The following SYT1 variants were observed in gnomAD, a reference collection of about 807,000 sequenced individuals.
The protein encoded by SYT1 is synaptotagmin 1.
In SYT1, 8 loss-of-function variants were observed where a neutral mutation model predicts 44.8. That is an observed-to-expected ratio of 0.18 (90% CI 0.10 to 0.32). The LOEUF (loss-of-function observed/expected upper bound fraction) is 0.32, where lower values mean the gene tolerates loss of function less well. Ranked by LOEUF, SYT1 falls within the 10% of genes least tolerant of loss-of-function variation. SYT1 has a pLI of 1.00. For missense variants in SYT1, 286 were observed against 509.3 expected (o/e 0.56, Z 4.22); for synonymous variants, 154 against 188.8 (o/e 0.82, Z 1.51).
intron 1 of SYT1, chr12:78,868,869 T>C (rs1385865403): frequency 6.6e-6 from 1 of 151,802 alleles, no homozygotes; most frequent in Non-Finnish European, 1.5e-5. Flanking sequence ...TGTATCATGA[T>C]TGAAAAAACT....
chr12:79,317,639 G>A (rs985670655), intron 8 of SYT1, among the ~76,000 whole-genome samples: 9 of 152,134 alleles, frequency 5.9e-5, no homozygotes, highest in African/African-American at 1.9e-4. Context: ...TGTTGTCAGA[G>A]GTGACTGTCG....
At chr12:78,922,268 T>C (rs1342782778) in intron 1 of SYT1, among the ~76,000 whole-genome samples, 1 of 151,890 alleles carries the variant, frequency 6.6e-6, no homozygotes, top group Non-Finnish European at 1.5e-5. Flanking sequence ...CAGTACATAC[T>C]ATGTGCTCAA....
At chr12:79,336,201 C>A (rs1882081942) in intron 8 of SYT1, among the ~76,000 whole-genome samples, 1 of 152,176 alleles carries the variant, frequency 6.6e-6, no homozygotes, top group African/African-American at 2.4e-5. Flanking sequence ...CTCCTGGGTT[C>A]TTCCCAATTG....
At chr12:79,356,856 G>A (rs1883133100) in intron 9 of SYT1, among the ~76,000 whole-genome samples, 1 of 152,150 alleles carries the variant, frequency 6.6e-6, no homozygotes, top group African/African-American at 2.4e-5. Flanking sequence ...AAATACTATT[G>A]TAGTCATTTC....
chr12:78,911,478 A>G (rs1876322828), intron 1 of SYT1, among the ~76,000 whole-genome samples: 1 of 151,868 alleles, frequency 6.6e-6, no homozygotes, highest in African/African-American at 2.4e-5. Flanking sequence ...ATAAGCCTGC[A>G]AGCTGATAGA....
At chr12:79,151,952 T>C (rs1405218232) in intron 3 of SYT1, among the ~76,000 whole-genome samples, 1 of 151,882 alleles carries the variant, frequency 6.6e-6, no homozygotes, top group Non-Finnish European at 1.5e-5. Context: ...AATGTATAGA[T>C]AGTAAAAGGG....
At chr12:78,876,894 A>G (rs931056725) in intron 1 of SYT1, among the ~76,000 whole-genome samples, 8 of 31,310 alleles carry the variant, frequency 2.6e-4, no homozygotes, top group African/African-American at 2.0e-3. Context: ...TATATAATAT[A>G]TATTATATAT....
At chr12:79,424,628 G>A (rs929927856) in intron 9 of SYT1, among the ~76,000 whole-genome samples, 1 of 152,102 alleles carries the variant, frequency 6.6e-6, no homozygotes, top group African/African-American at 2.4e-5. Flanking sequence ...TTTAAGGACT[G>A]CTGGAATGTG....
At chr12:79,444,260 A>C in intron 10 of SYT1, 54 bp downstream of exon 10, 1 of 1,601,152 alleles carries the variant, frequency 6.2e-7, no homozygotes, top group East Asian at 2.2e-5. Flanking sequence ...TTCAGACCAC[A>C]TAAATTATAC....
At chr12:78,971,433 G>T (rs1419639557) in intron 1 of SYT1, among the ~76,000 whole-genome samples, 1 of 152,114 alleles carries the variant, frequency 6.6e-6, no homozygotes, top group South Asian at 2.1e-4. Context: ...TCTGTGTTGA[G>T]ATTTTAGAAA....
intron 3 of SYT1, among the ~76,000 whole-genome samples, chr12:79,164,017 T>C (rs1871104258): frequency 6.6e-6 from 1 of 152,076 alleles, no homozygotes; most frequent in African/African-American, 2.4e-5. Flanking sequence ...TTTTCCACCA[T>C]GACACAGATA....
chr12:79,187,914 C>G (rs1872895623), intron 3 of SYT1, among the ~76,000 whole-genome samples: 1 of 152,088 alleles, frequency 6.6e-6, no homozygotes, highest in Non-Finnish European at 1.5e-5. Context: ...TCCTTCCTCC[C>G]AATTCTTCTC....
chr12:79,130,917 CACT>C (rs368171120), intron 3 of SYT1, among the ~76,000 whole-genome samples: 4 of 152,044 alleles, frequency 2.6e-5, no homozygotes, highest in African/African-American at 9.7e-5. Flanking sequence ...AACAAATAAA[CACT>C]ATAATAGTGA....
At chr12:79,070,443 C>CT (rs532300331) in intron 3 of SYT1, among the ~76,000 whole-genome samples, 104 of 152,042 alleles carry the variant, frequency 6.8e-4, no homozygotes, top group East Asian at 3.5e-3. Flanking sequence ...TGCATTATCT[C>CT]TTTTTTTAAC....
intron 4 of SYT1, among the ~76,000 whole-genome samples, chr12:79,257,307 A>G (rs527608427): frequency 2.5e-4 from 38 of 152,338 alleles, no homozygotes; most frequent in African/African-American, 8.4e-4. Flanking sequence ...ATTAGCAGTC[A>G]TGTATTGAGG....
chr12:79,239,954 G>C (rs770242909), intron 4 of SYT1, among the ~76,000 whole-genome samples: 1 of 152,200 alleles, frequency 6.6e-6, no homozygotes, highest in Non-Finnish European at 1.5e-5. Flanking sequence ...CATGCTTTAA[G>C]GGCTTGCAAC....
At chr12:79,184,217 C>T (rs1401746888) in intron 3 of SYT1, among the ~76,000 whole-genome samples, 1 of 151,546 alleles carries the variant, frequency 6.6e-6, no homozygotes, top group Admixed American at 6.6e-5. Flanking sequence ...GGTGTTAGTC[C>T]AGAATTCACT....
At chr12:78,936,587 A>G (rs1878073653) in intron 1 of SYT1, among the ~76,000 whole-genome samples, 1 of 152,094 alleles carries the variant, frequency 6.6e-6, no homozygotes, top group Admixed American at 6.6e-5. Flanking sequence ...TTAAAAACCT[A>G]CTTTTATGTT....
At chr12:78,960,839 G>T (rs948388459) in intron 1 of SYT1, 1 of 152,066 alleles carries the variant, frequency 6.6e-6, no homozygotes, top group Non-Finnish European at 1.5e-5. Flanking sequence ...TACTTGAATT[G>T]CAAGAATGTC....
Sources: gnomAD v4.1 joint callset for allele counts (sites outside exome capture counted in the v4.1 genomes callset) on GRCh38, gnomAD v4.1.1 for gene constraint, MANE v1.5 for transcripts, NCBI Gene and HGNC (gene_info 2026-07-23, HGNC 2026-07-21) for gene names.